The following MBD5 variants were observed in gnomAD, a reference collection of about 807,000 sequenced individuals.
MBD5 encodes methyl-CpG binding domain protein 5.
A neutral mutation model predicts 117.3 loss-of-function variants in MBD5; 13 were observed. The ratio of observed to expected loss-of-function variants is 0.11; its 90% confidence interval spans 0.07 to 0.18. MBD5 has a LOEUF of 0.18. Among genes scored for constraint, MBD5 ranks in the 10% least tolerant of loss-of-function variants. The pLI is 1.00. For synonymous variants in MBD5, 727 were observed against 766.4 expected (o/e 0.95, Z 0.85); for missense variants, 1,879 against 2,093.8 (o/e 0.90, Z 2.00).
chr2:148,104,866 A>T (rs1172607524), intron 1 of MBD5, among the ~76,000 whole-genome samples: 1 of 152,174 alleles, frequency 6.6e-6, no homozygotes, highest in Non-Finnish European at 1.5e-5. Flanking sequence ...TCAAATAATA[A>T]GCTCATGAGA....
intron 10 of MBD5, among the ~76,000 whole-genome samples, chr2:148,488,539 C>A (rs562980040): frequency 6.6e-6 from 1 of 151,270 alleles, no homozygotes; most frequent in Non-Finnish European, 1.5e-5. Flanking sequence ...GTCGACAGAT[C>A]CCAGGTTCTG....
At chr2:148,467,861 A>G (rs1367995226) in intron 7 of MBD5, among the ~76,000 whole-genome samples, 1 of 152,178 alleles carries the variant, frequency 6.6e-6, no homozygotes, top group Non-Finnish European at 1.5e-5. Context: ...TGTGGTGAAA[A>G]TGGCAATTCA....
chr2:148,412,607 A>G (rs755263776), intron 4 of MBD5, among the ~76,000 whole-genome samples: 6 of 151,900 alleles, frequency 3.9e-5, no homozygotes, highest in Non-Finnish European at 8.8e-5. Flanking sequence ...AGTTTCTTCC[A>G]TTTGTTGTGT....
intron 3 of MBD5, among the ~76,000 whole-genome samples, chr2:148,250,696 A>C (rs926296796): frequency 6.6e-6 from 1 of 152,228 alleles, no homozygotes; most frequent in Non-Finnish European, 1.5e-5. Flanking sequence ...GCTAGTCATT[A>C]TACTATGGTG....
chr2:148,509,031 A>G (rs758794998), intron 12 of MBD5, among the ~76,000 whole-genome samples: 14 of 152,158 alleles, frequency 9.2e-5, no homozygotes, highest in Non-Finnish European at 2.1e-4. Context: ...ACTAAATACA[A>G]CAGTAAGCCA....
intron 4 of MBD5, among the ~76,000 whole-genome samples, chr2:148,345,210 G>GTA (rs1458550933): frequency 3.9e-5 from 4 of 102,596 alleles, no homozygotes; most frequent in Non-Finnish European, 4.1e-5. Context: ...ACGTATATAT[G>GTA]TATATATACA....
Position 148,468,998 on chromosome 2 carries a change from C to T in MBD5, c.1055C>T (p.Thr352Ile), listed in dbSNP as rs145808884. 119 of 1,612,576 alleles carry T rather than the reference C, an allele frequency of 7.4e-5. No homozygotes were observed. The African/African-American group carries it at 1.5e-3, about 20-fold the overall frequency. ...TGTGCTCTTCAGAAAAAGCCATTAA[C>T]ATCTGAGAAAGATCCACTTGGCATT... ...PSCALQKKPLTSEKDPLGILD... is the reference protein window; with the variant it reads ...PSCALQKKPLISEKDPLGILD... Residue 352 changes from threonine to isoleucine, a missense_variant, in exon 8 of 14, where the codon ACA (threonine) becomes ATA (isoleucine). Thr to Ile is a moderately conservative substitution (Grantham distance 89, BLOSUM62 -1). This residue lies in a region of MBD5 where 1,666 missense variants were observed against 1,792.2 expected (regional missense o/e 0.93). Transcript: ENST00000642680.
At chr2:148,242,281 A>C (rs1051637472) in intron 3 of MBD5, among the ~76,000 whole-genome samples, 8 of 152,068 alleles carry the variant, frequency 5.3e-5, no homozygotes, top group Admixed American at 5.2e-4. Context: ...GAATCACTTA[A>C]GACCTTACTA....
chr2:148,367,724 C>T (rs1251098591), intron 4 of MBD5, among the ~76,000 whole-genome samples: 1 of 151,990 alleles, frequency 6.6e-6, no homozygotes, highest in East Asian at 1.9e-4. Context: ...AACATATGAA[C>T]AAAAGCTCTT....
intron 4 of MBD5, among the ~76,000 whole-genome samples, chr2:148,394,561 C>CTTTTTTTTTTCTTT (rs1704654147): frequency 1.5e-5 from 1 of 67,578 alleles, no homozygotes; most frequent in Non-Finnish European, 3.1e-5. Flanking sequence ...TTTTTTTTTT[C>CTTTTTTTTTTCTTT]ATTTTTTTGT....
chr2:148,328,874 C>T (rs1702551669), intron 3 of MBD5, among the ~76,000 whole-genome samples: 1 of 152,166 alleles, frequency 6.6e-6, no homozygotes, highest in Non-Finnish European at 1.5e-5. Context: ...CTTTTTAGAT[C>T]AGAAACAACA....
At chr2:148,310,631 C>T (rs981225573) in intron 3 of MBD5, among the ~76,000 whole-genome samples, 3 of 151,616 alleles carry the variant, frequency 2.0e-5, no homozygotes, top group Non-Finnish European at 1.5e-5. Context: ...AAGTGTTTTT[C>T]GTGTCTCTCT....
intron 1 of MBD5, among the ~76,000 whole-genome samples, chr2:148,030,970 T>A (rs1452237976): frequency 6.6e-6 from 1 of 152,186 alleles, no homozygotes; most frequent in Non-Finnish European, 1.5e-5. Context: ...TTTTGCTTCT[T>A]ACTGAAAAAT....
At chr2:148,376,813 T>G (rs1704002455) in intron 4 of MBD5, among the ~76,000 whole-genome samples, 1 of 103,126 alleles carries the variant, frequency 9.7e-6, no homozygotes, top group Admixed American at 1.1e-4. Flanking sequence ...TATAATATTA[T>G]AATTTATATA....
At chr2:148,325,528 A>C (rs894222675) in intron 3 of MBD5, among the ~76,000 whole-genome samples, 2 of 152,208 alleles carry the variant, frequency 1.3e-5, no homozygotes, top group Admixed American at 6.5e-5. Flanking sequence ...TTATTGGTCT[A>C]TTCAGAGATT....
At chr2:148,363,399 AT>A (rs1361078640) in intron 4 of MBD5, among the ~76,000 whole-genome samples, 3 of 151,810 alleles carry the variant, frequency 2.0e-5, no homozygotes, top group East Asian at 3.9e-4. Context: ...CGCCCGGCTA[AT>A]TTTTTTGTAT....
intron 4 of MBD5, among the ~76,000 whole-genome samples, chr2:148,403,288 T>C (rs934166193): frequency 2.6e-5 from 4 of 152,104 alleles, no homozygotes; most frequent in Non-Finnish European, 4.4e-5. Flanking sequence ...CAAGCGATTC[T>C]TGTGCCTCAG....
chr2:148,234,356 C>A lies in MBD5; in HGVS notation c.-680+961C>A, dbSNP rs1700049075. On this transcript the variant is annotated intron_variant, in intron 3 of 13. Transcript: ENST00000642680. ...TTTTAAGTTTCACATAAGAGGAATG[C>A]TTTCTATAAATAAAGACAATGATAA... Among the ~76,000 whole-genome samples the A allele has an allele frequency of 2.0e-5, 3 of 152,026 alleles. No individual in the cohort carries two copies. The South Asian group carries it at 6.2e-4, about 32-fold the overall frequency.
chr2:148,293,010 T>G (rs1701535243), intron 3 of MBD5, among the ~76,000 whole-genome samples: 1 of 152,060 alleles, frequency 6.6e-6, no homozygotes. Flanking sequence ...ACTCATTTGC[T>G]GAATTAAACA....
Sources: allele counts gnomAD v4.1 joint callset (sites outside exome capture counted in the v4.1 genomes callset), GRCh38; gene constraint gnomAD v4.1.1; regional missense constraint gnomAD v4.1.1; transcripts MANE v1.5; gene names NCBI Gene and HGNC (gene_info 2026-07-23, HGNC 2026-07-21).